Variants in NXN observed in about 807,000 individuals in gnomAD.
The protein encoded by NXN is nucleoredoxin 1.
Under a neutral mutation model 48.6 loss-of-function variants are expected in NXN, and 16 were observed. The ratio of observed to expected loss-of-function variants is 0.33; its 90% CI spans 0.22 to 0.50. NXN has a LOEUF of 0.50. NXN is among the 20% of genes least tolerant of loss of function. NXN has a pLI of 0.98. For synonymous variants in NXN, 281 were observed against 269.6 expected, an observed-to-expected ratio of 1.04 and a Z score of -0.41; for missense variants, 492 against 605.5, an observed-to-expected ratio of 0.81 and a Z score of 1.97.
At chr17:926,631 T>A (rs138649607) in intron 1 of NXN, among the ~76,000 whole-genome samples, 1 of 151,668 alleles carries the variant, frequency 6.6e-6, no homozygotes, top group Non-Finnish European at 1.5e-5. Flanking sequence ...CCACAGCCTC[T>A]GCTTCCCGGG....
At chr17:924,922 G>A (rs2068784783) in intron 1 of NXN, among the ~76,000 whole-genome samples, 1 of 152,360 alleles carries the variant, frequency 6.6e-6, no homozygotes, top group East Asian at 1.9e-4. Context: ...CTGGAGACAG[G>A]CCTGGGTGGC....
chr17:926,298 C>T (rs1316813390), intron 1 of NXN, among the ~76,000 whole-genome samples: 4 of 152,156 alleles, frequency 2.6e-5, no homozygotes, highest in African/African-American at 7.2e-5. Context: ...GCAATCCTCC[C>T]ACTCCAGCCC....
intron 1 of NXN, among the ~76,000 whole-genome samples, chr17:892,572 C>T (rs1597700621): frequency 1.4e-5 from 2 of 146,514 alleles, no homozygotes; most frequent in Non-Finnish European, 3.0e-5. Flanking sequence ...CCTGGCAAGT[C>T]AGTGTCTGCA....
intron 1 of NXN, among the ~76,000 whole-genome samples, chr17:947,756 G>A (rs1282268763): frequency 6.8e-6 from 1 of 146,164 alleles, no homozygotes; most frequent in Non-Finnish European, 1.5e-5. Context: ...AAAAAAAAAG[G>A]GCCAGGCATG....
rs137883297 is a variant in NXN at position 812,553 on chromosome 17, G to A, written c.820+6886C>T. ...ACTCCAACAGCCAGGACCCTGCAGAGCGAGTGTGTGTGTGAGTCTGTGTGT... is the reference window on the plus strand; with the variant it reads ...ACTCCAACAGCCAGGACCCTGCAGAACGAGTGTGTGTGTGAGTCTGTGTGT... On this transcript the variant is annotated intron_variant, in intron 5 of 7. Transcript: ENST00000336868. Among the ~76,000 whole-genome samples, 705 of 151,892 alleles carry A rather than the reference G, an allele frequency of 4.6e-3. 4 individuals carry two copies. The highest frequency in any genetic ancestry group is 0.013 in the African/African-American group (549 of 41,186).
chr17:945,194 G>A (rs1567513320), intron 1 of NXN, among the ~76,000 whole-genome samples: 1 of 151,982 alleles, frequency 6.6e-6, no homozygotes, highest in South Asian at 2.1e-4. Flanking sequence ...CAATTCTCCT[G>A]CCTCAGCCTC....
At chr17:827,108 G>A (rs1913147790) in intron 1 of NXN, among the ~76,000 whole-genome samples, 2 of 152,190 alleles carry the variant, frequency 1.3e-5, no homozygotes. Context: ...TGTGATCCCA[G>A]CGCTTTGGGA....
intron 1 of NXN, among the ~76,000 whole-genome samples, chr17:951,107 C>T (rs893308502): frequency 2.0e-4 from 27 of 137,134 alleles, no homozygotes; most frequent in Non-Finnish European, 1.7e-4. Context: ...GAGGCCGAGG[C>T]TGGCAGATCT....
intron 1 of NXN, among the ~76,000 whole-genome samples, chr17:840,051 C>T (rs540657050): frequency 8.9e-4 from 130 of 145,634 alleles, no homozygotes; most frequent in Non-Finnish European, 1.2e-3. Flanking sequence ...GAGCTGAGAT[C>T]GTGCCACTGC....
chr17:880,376 A>G (rs1399104886), intron 1 of NXN, among the ~76,000 whole-genome samples: 6 of 152,196 alleles, frequency 3.9e-5, no homozygotes, highest in Non-Finnish European at 8.8e-5. Context: ...GATTAGGACC[A>G]CATAAAAGGA....
At chr17:842,847 G>A (rs1251778210) in intron 1 of NXN, among the ~76,000 whole-genome samples, 2 of 152,150 alleles carry the variant, frequency 1.3e-5, no homozygotes, top group African/African-American at 4.8e-5. Context: ...GCTGGGGCAG[G>A]AGAATTGCTT....
chr17:875,705 ACCTCAG>A (rs1441775986), intron 1 of NXN, among the ~76,000 whole-genome samples: 2 of 148,336 alleles, frequency 1.3e-5, no homozygotes, highest in Non-Finnish European at 3.0e-5. Context: ...TGATCCTACC[ACCTCAG>A]CCTCCCAAGT....
At position 872,304 on chromosome 17, in the gene NXN, CTAGGA is replaced by C. The variant is rs542017714; in HGVS notation, c.361-46231_361-46227del. Among the ~76,000 whole-genome samples, 725 of 134,544 alleles carry C rather than the reference CTAGGA, an allele frequency of 5.4e-3. 8 individuals are homozygous for C. The highest frequency in any genetic ancestry group is 0.019 in the African/African-American group (703 of 36,564). The allele number at this position is 134,544 out of a possible 152,430, so 88.3% of individuals were successfully genotyped here. ...GACAGAGGAACACGTCAATCAAAGA[CTAGGA>C]GAGAGAGAGAGAGAGAAACATCAAA... On this transcript the variant is annotated intron_variant, in intron 1 of 7. Transcript: ENST00000336868.
chr17:817,918 A>G (rs1912572011), intron 5 of NXN, among the ~76,000 whole-genome samples: 1 of 152,140 alleles, frequency 6.6e-6, no homozygotes. Context: ...GCTGGGAAGG[A>G]GGTATTCACA....
chr17:812,741 CGTGA>C (rs200905975), intron 5 of NXN, among the ~76,000 whole-genome samples: 5,141 of 132,934 alleles, frequency 0.039, 257 homozygotes, highest in African/African-American at 0.13. Flanking sequence ...GTGTAGGGTG[CGTGA>C]GTGAGAGTGT....
At chr17:853,723 A>ATATATATATTTT (rs1491528474) in intron 1 of NXN, among the ~76,000 whole-genome samples, 24 of 105,970 alleles carry the variant, frequency 2.3e-4, no homozygotes, top group Admixed American at 9.9e-4. Flanking sequence ...ATATATATAT[A>ATATATATATTTT]TTTTTTTTTT....
In NXN at chr17:830,925, G is replaced by A. The variant is rs140154633; in HGVS notation, c.361-4847C>T. Among the ~76,000 whole-genome samples, 2,164 of 151,906 alleles carry A rather than the reference G, an allele frequency of 0.014. 56 individuals are homozygous for A. Among genetic ancestry groups the A allele is most frequent in the African/African-American group, 0.05 (2,058 of 41,412 alleles). ...TGAGGCAGGAGAATCACTTGAACCCGGGAGGCGGAGGTTGCTGTGAGCCGA... is the reference window on the plus strand; with the variant it reads ...TGAGGCAGGAGAATCACTTGAACCCAGGAGGCGGAGGTTGCTGTGAGCCGA... On this transcript the variant is annotated intron_variant, in intron 1 of 7. Coordinates refer to ENST00000336868, the MANE Select transcript of NXN (RefSeq NM_022463.5). This position sits in a 1 kb window ranked among gnomAD's most constrained non-coding sequence, Gnocchi z 4.2.
intron 1 of NXN, among the ~76,000 whole-genome samples, chr17:897,197 C>A (rs997691840): frequency 6.6e-6 from 1 of 152,200 alleles, no homozygotes; most frequent in Non-Finnish European, 1.5e-5. Flanking sequence ...GAGGCGAATG[C>A]TCTGTCCTGG....
At chr17:921,655 C>G (rs1207187417) in intron 1 of NXN, among the ~76,000 whole-genome samples, 2 of 152,006 alleles carry the variant, frequency 1.3e-5, no homozygotes, top group Non-Finnish European at 2.9e-5. Flanking sequence ...CTGGACAACA[C>G]CTGGCAGGCC....
Sources: allele counts gnomAD v4.1 joint callset (sites outside exome capture counted in the v4.1 genomes callset), GRCh38; gene constraint gnomAD v4.1.1; non-coding constraint Gnocchi (gnomAD v3.1); transcripts MANE v1.5; gene names NCBI Gene and HGNC (gene_info 2026-07-23, HGNC 2026-07-21).